The following CNTN1 variants were observed in gnomAD, a reference collection of about 807,000 sequenced individuals.
The protein encoded by CNTN1 is contactin-1.
CNTN1 carries 38 observed loss-of-function variants against 126.4 expected under a neutral mutation model. The ratio of observed to expected loss-of-function variants is 0.30; its 90% CI spans 0.23 to 0.39. CNTN1 has a LOEUF of 0.39. Ranked by LOEUF, CNTN1 falls within the 10% of genes least tolerant of loss-of-function variation. The pLI is 1.00. For synonymous variants in CNTN1, 413 were observed against 422.6 expected, an observed-to-expected ratio of 0.98 and a Z score of 0.28; for missense variants, 1,009 against 1,248.4, an observed-to-expected ratio of 0.81 and a Z score of 2.89.
chr12:40,945,025 G>A (rs539371179), intron 14 of CNTN1, among the ~76,000 whole-genome samples: 1 of 152,172 alleles, frequency 6.6e-6, no homozygotes, highest in Non-Finnish European at 1.5e-5. Context: ...TCTGAAGATT[G>A]ATATGTACAC....
intron 1 of CNTN1, among the ~76,000 whole-genome samples, chr12:40,739,469 T>C (rs1020615763): frequency 6.6e-6 from 1 of 152,086 alleles, no homozygotes; most frequent in Non-Finnish European, 1.5e-5. Context: ...GGCATAAGGA[T>C]GTCAGATTTA....
chr12:40,855,086 A>C (rs1942854944), intron 1 of CNTN1, among the ~76,000 whole-genome samples: 1 of 152,110 alleles, frequency 6.6e-6, no homozygotes. Flanking sequence ...TTTTTGAGTG[A>C]GGCATGACTG....
rs563304704 is a variant in CNTN1, at chr12:40,891,741, A to G, written c.-76-16616A>G. 2.6e-4 allele frequency among the ~76,000 whole-genome samples: 39 copies of G among 152,150 alleles called. No homozygotes were observed. In the East Asian group the frequency reaches 6.4e-3, roughly 25 times the overall value. ...ACTCTCTATTCTGTTCCATTGATCTATGTATCTGTATTTTTCACCAGTACC... is the reference window on the plus strand; with the variant it reads ...ACTCTCTATTCTGTTCCATTGATCTGTGTATCTGTATTTTTCACCAGTACC... On this transcript the variant is annotated intron_variant, in intron 1 of 23. Coordinates refer to ENST00000551295, the MANE Select transcript of CNTN1 (RefSeq NM_001843.4).
chr12:40,831,408 C>T (rs1405391952), intron 1 of CNTN1, among the ~76,000 whole-genome samples: 1 of 151,856 alleles, frequency 6.6e-6, no homozygotes, highest in Admixed American at 6.6e-5. Flanking sequence ...GTAAACAGTC[C>T]TGATGAGTTG....
At chr12:40,744,274 A>G (rs978953223) in intron 1 of CNTN1, among the ~76,000 whole-genome samples, 13 of 150,110 alleles carry the variant, frequency 8.7e-5, no homozygotes, top group African/African-American at 2.9e-4. Context: ...CGTCCTGCAC[A>G]TGTATCCTGG....
At chr12:40,909,862 G>T (rs139603659) in intron 2 of CNTN1, among the ~76,000 whole-genome samples, 1 of 151,674 alleles carries the variant, frequency 6.6e-6, no homozygotes, top group Non-Finnish European at 1.5e-5. Flanking sequence ...AAATTCATAC[G>T]AATTCTATTG....
At chr12:40,817,077 G>A (rs1399440360) in intron 1 of CNTN1, among the ~76,000 whole-genome samples, 4 of 152,078 alleles carry the variant, frequency 2.6e-5, no homozygotes, top group Non-Finnish European at 5.9e-5. Context: ...TTATGTGGTC[G>A]ATTTTAGAAT....
intron 1 of CNTN1, among the ~76,000 whole-genome samples, chr12:40,904,556 G>A (rs1485801849): frequency 6.6e-6 from 1 of 151,968 alleles, no homozygotes; most frequent in Non-Finnish European, 1.5e-5. Flanking sequence ...AGCCTCCCAA[G>A]TAGCTGGGAT....
At chr12:40,773,829 T>TGTATCAG (rs1370618848) in intron 1 of CNTN1, among the ~76,000 whole-genome samples, 3 of 151,074 alleles carry the variant, frequency 2.0e-5, no homozygotes, top group Non-Finnish European at 3.0e-5. Flanking sequence ...TCCAAAGCAA[T>TGTATCAG]GTATCAGCAA....
intron 1 of CNTN1, among the ~76,000 whole-genome samples, chr12:40,751,573 A>G (rs138269978): frequency 2.4e-4 from 37 of 152,220 alleles, no homozygotes; most frequent in African/African-American, 8.2e-4. Flanking sequence ...AGATTACATC[A>G]CAAGAGGAAA....
chr12:40,931,048 G>A (rs10879368), intron 7 of CNTN1, among the ~76,000 whole-genome samples: 1 of 151,476 alleles, frequency 6.6e-6, no homozygotes, highest in Non-Finnish European at 1.5e-5. Flanking sequence ...TTCTCCCCTC[G>A]CTCAAGCTAA....
chr12:40,879,518 G>A (rs1269734099), intron 1 of CNTN1, among the ~76,000 whole-genome samples: 3 of 151,968 alleles, frequency 2.0e-5, no homozygotes, highest in Non-Finnish European at 2.9e-5. Flanking sequence ...TATATGTTAT[G>A]CAAAATGAGC....
rs1387678732 is a variant in CNTN1, at chr12:41,009,622, CATTG to C, written c.2114-4604_2114-4601del. ...AAGTCCTGAAGTAGTCTTCATTCCCCATTGAGTTTTATGTGCTCCTAACATTGGG... is the reference window on the plus strand; with the variant it reads ...AAGTCCTGAAGTAGTCTTCATTCCCCAGTTTTATGTGCTCCTAACATTGGG... On this transcript the variant is annotated intron_variant, in intron 17 of 23. Transcript: ENST00000551295. Among the ~76,000 whole-genome samples, 4 of 152,310 alleles carry C rather than the reference CATTG, an allele frequency of 2.6e-5. No homozygotes were observed. The East Asian group carries it at 7.7e-4, about 29-fold the overall frequency.
intron 15 of CNTN1, among the ~76,000 whole-genome samples, chr12:40,961,856 G>A (rs1947116199): frequency 6.6e-6 from 1 of 151,972 alleles, no homozygotes; most frequent in Admixed American, 6.6e-5. Context: ...GATTCGATTT[G>A]CACTCAACCC....
intron 15 of CNTN1, chr12:40,972,604 G>T (rs1178510694): frequency 2.4e-6 from 2 of 831,366 alleles, no homozygotes; most frequent in Non-Finnish European, 2.9e-6. Context: ...TCATCATAAA[G>T]AAATAAATGT....
At position 40,937,593 on chromosome 12, in the gene CNTN1, G is replaced by A. The variant is rs2136932203; in HGVS notation, c.1134G>A (p.Leu378=). ...AGTATCATAAAGGGGAATTAAGACT[G>A]TATGATGTGACTTTTGAAAATGCCG... is the stretch of plus-strand genomic sequence containing the variant. The part of the protein sequence containing the change: ...GYAYHKGELR[L]YDVTFENAGM... Residue 378 remains leucine, a synonymous_variant, in exon 11 of 24, where the codon CTG becomes CTA. Transcript: ENST00000551295. 3 of 1,607,304 alleles carry A rather than the reference G, an allele frequency of 1.9e-6. No homozygotes were observed. Among genetic ancestry groups the A allele is most frequent in the East Asian group, 2.2e-5 (1 of 44,790 alleles).
intron 15 of CNTN1, among the ~76,000 whole-genome samples, chr12:40,967,597 A>G (rs1251436740): frequency 6.6e-6 from 1 of 152,164 alleles, no homozygotes; most frequent in East Asian, 1.9e-4. Context: ...GCTTTTAGAC[A>G]CTGCATGCAT....
intron 5 of CNTN1, 21 bp from the exon 6 acceptor site, chr12:40,924,536 C>CT (rs148387796): frequency 7.5e-6 from 10 of 1,325,152 alleles, no homozygotes; most frequent in East Asian, 2.3e-5. Context: ...GAATGTTTCT[C>CT]TTTTTTTCTT....
chr12:40,966,932 T>C (rs1418275988), intron 15 of CNTN1, among the ~76,000 whole-genome samples: 1 of 152,178 alleles, frequency 6.6e-6, no homozygotes, highest in African/African-American at 2.4e-5. Context: ...GAGGATTTCT[T>C]CTTTTCTGCA....
Sources: allele counts gnomAD v4.1 joint callset (sites outside exome capture counted in the v4.1 genomes callset), GRCh38; gene constraint gnomAD v4.1.1; transcripts MANE v1.5; gene names NCBI Gene and HGNC (gene_info 2026-07-23, HGNC 2026-07-21).